Variants in IGF2BP1 observed in about 807,000 individuals in gnomAD.
IGF2BP1 encodes the protein insulin-like growth factor 2 mRNA-binding protein 1.
A neutral mutation model predicts 74.9 loss-of-function variants in IGF2BP1; 11 were observed. The observed-to-expected ratio is 0.15, with a 90% CI of 0.09 to 0.24. IGF2BP1 has a LOEUF of 0.24. Ranked by LOEUF, IGF2BP1 falls within the 10% of genes least tolerant of loss-of-function variation. The probability of loss-of-function intolerance (pLI) is 1.00; values close to 1 mark genes in which losing one functional copy is unlikely to be tolerated. For synonymous variants in IGF2BP1, 287 were observed against 281.8 expected, an observed-to-expected ratio of 1.02 and a Z score of -0.18; for missense variants, 440 against 757.4, an observed-to-expected ratio of 0.58 and a Z score of 4.92.
At chr17:49,039,592 A>AT (rs2042027484) in intron 6 of IGF2BP1, among the ~76,000 whole-genome samples, 3 of 151,786 alleles carry the variant, frequency 2.0e-5, no homozygotes, top group Admixed American at 2.0e-4. Context: ...ACCCAGCTAA[A>AT]TTTTTTGTAT....
chr17:48,999,188 CGGGGGGGGTGGGGGGGCCG>C lies in IGF2BP1; in HGVS notation c.236+20_236+38del. On this transcript the variant is annotated intron_variant, in intron 2 of 14. Coordinates refer to ENST00000290341, the MANE Select transcript of IGF2BP1 (RefSeq NM_006546.4). The stretch of plus-strand genomic sequence containing the variant: ...AACAAAGGTAGGAAAGAGCTCTTTT[CGGGGGGGGTGGGGGGGCCG>C]CGGGGGTGTGCTGTGAAGCTGTGTT... 3.9e-6 allele frequency: 2 copies of C among 515,778 alleles called. No homozygotes were observed. The highest frequency in any genetic ancestry group is 6.0e-4 in the Middle Eastern group (1 of 1,668). 32.0% of individuals were successfully genotyped at this position (515,778 alleles called of 1,614,324 possible).
chr17:48,997,605 G>T lies in IGF2BP1; in HGVS notation c.-141G>T. On this transcript the variant is annotated 5_prime_UTR_variant, in exon 1 of 15. Transcript: ENST00000290341. This position sits in a 1 kb window ranked among gnomAD's most constrained non-coding sequence, Gnocchi z 4.8. Reference sequence around the variant, plus strand: ...AGGCCGCCTTCCCCGCCCTGGGCTCGGGACAACTTCTGGGGTGGGGTGCAA... The same window carrying T: ...AGGCCGCCTTCCCCGCCCTGGGCTCTGGACAACTTCTGGGGTGGGGTGCAA... 2 of 886,758 alleles carry T rather than the reference G, an allele frequency of 2.3e-6. No individual in the cohort carries two copies. Among genetic ancestry groups the T allele is most frequent in the East Asian group, 2.7e-5 (1 of 37,316 alleles). 54.9% of individuals were successfully genotyped at this position (886,758 alleles called of 1,614,324 possible). A position where few individuals can be genotyped will look rare whatever the true frequency, so the allele number is the denominator to read the frequency against.
intron 4 of IGF2BP1, among the ~76,000 whole-genome samples, chr17:49,028,394 C>T (rs767575188): frequency 3.9e-5 from 6 of 152,180 alleles, no homozygotes; most frequent in Non-Finnish European, 8.8e-5. Flanking sequence ...CAAGAGTAAA[C>T]TGCTGAATCT....
At chr17:49,041,289 C>T in intron 7 of IGF2BP1, 89 bp from the exon 8 acceptor site, 4 of 1,447,086 alleles carry the variant, frequency 2.8e-6, no homozygotes, top group African/African-American at 1.4e-5. Context: ...TTGGAAATGC[C>T]AAGTCTGGGG....
At chr17:49,034,202 C>T (rs970874257) in intron 5 of IGF2BP1, among the ~76,000 whole-genome samples, 6 of 150,780 alleles carry the variant, frequency 4.0e-5, no homozygotes, top group East Asian at 2.0e-4. Flanking sequence ...TTCCACCTCC[C>T]GGGTTCAAGT....
intron 5 of IGF2BP1, among the ~76,000 whole-genome samples, chr17:49,034,077 GC>G (rs10714095): frequency 1 from 146,832 of 147,314 alleles, 73,179 homozygotes; most frequent in Middle Eastern, 1. Context: ...TCCTACCTCA[GC>G]CCCCCCAAAG....
Position 49,054,226 on chromosome 17 carries a change from T to G in IGF2BP1, c.*4782T>G, listed in dbSNP as rs2042200155. ...TTGGGGCACAGTCTGATGGCGCCTT[T>G]GCTGGCGCCTTAGTATGGTTGACTC... On this transcript the variant is annotated 3_prime_UTR_variant, in exon 15 of 15. Coordinates refer to ENST00000290341, the MANE Select transcript of IGF2BP1 (RefSeq NM_006546.4). 1 of 152,538 alleles carries G rather than the reference T, an allele frequency of 6.6e-6. No individual in the cohort carries two copies. The highest frequency in any genetic ancestry group is 1.9e-4 in the East Asian group (1 of 5,196). The allele number at this position is 152,538 out of a possible 1,614,324, so 9.4% of individuals were successfully genotyped here. A position where few individuals can be genotyped will look rare whatever the true frequency, so the allele number is the denominator to read the frequency against.
rs117838533 is a variant in IGF2BP1, at chr17:48,999,101, A to C, written c.176-8A>C. Reference sequence around the variant, plus strand: ...CTCTCATGGTAATTTTTTTTTTTTAATCTTTAGGGAAAGTAGAATTACAAG... The same window carrying C: ...CTCTCATGGTAATTTTTTTTTTTTACTCTTTAGGGAAAGTAGAATTACAAG... On this transcript the variant is annotated splice_region_variant and splice_polypyrimidine_tract_variant and intron_variant, in intron 1 of 14. Coordinates refer to ENST00000290341, the MANE Select transcript of IGF2BP1 (RefSeq NM_006546.4). 0.051 allele frequency: 75,155 copies of C among 1,488,184 alleles called. 2,055 individuals carry two copies. The highest frequency in any genetic ancestry group is 0.09 in the Middle Eastern group (510 of 5,680). The allele number at this position is 1,488,184 out of a possible 1,614,324, so 92.2% of individuals were successfully genotyped here.
At chr17:49,016,449 T>C (rs895128315) in intron 2 of IGF2BP1, among the ~76,000 whole-genome samples, 1 of 152,166 alleles carries the variant, frequency 6.6e-6, no homozygotes, top group African/African-American at 2.4e-5. Context: ...TCATATAAGC[T>C]GAGTGATTCC....
At position 48,997,717 on chromosome 17, in the gene IGF2BP1, GGACCGCGTCCTGCCCCGA is replaced by G; in HGVS notation, c.-22_-5del. The G allele has an allele frequency of 2.5e-6, 4 of 1,605,238 alleles. No homozygotes were observed. In the South Asian group the frequency reaches 3.3e-5, roughly 13 times the overall value. Reference sequence around the variant, plus strand: ...GCGCCCGCTCGTTCGGCCTTGCCCGGGACCGCGTCCTGCCCCGAGACCGCCACCATGAACAAGCTTTAC... The same window carrying G: ...GCGCCCGCTCGTTCGGCCTTGCCCGGGACCGCCACCATGAACAAGCTTTAC... On this transcript the variant is annotated 5_prime_UTR_variant, in exon 1 of 15. Coordinates refer to ENST00000290341, the MANE Select transcript of IGF2BP1 (RefSeq NM_006546.4). This position sits in a 1 kb window ranked among gnomAD's most constrained non-coding sequence, Gnocchi z 4.8.
At chr17:49,020,454 G>A (rs2041778530) in intron 2 of IGF2BP1, among the ~76,000 whole-genome samples, 1 of 152,130 alleles carries the variant, frequency 6.6e-6, no homozygotes, top group South Asian at 2.1e-4. Context: ...ACAGACCAGG[G>A]TACTGAGATA....
Position 49,051,023 on chromosome 17 carries a change from C to G in IGF2BP1, c.*1579C>G, listed in dbSNP as rs2144169978. 6.5e-6 allele frequency: 1 copy of G among 152,738 alleles called. No individual in the cohort carries two copies. Among genetic ancestry groups the G allele is most frequent in the African/African-American group, 2.4e-5 (1 of 41,562 alleles). 9.5% of individuals were successfully genotyped at this position (152,738 alleles called of 1,614,324 possible). On this transcript the variant is annotated 3_prime_UTR_variant, in exon 15 of 15. Transcript: ENST00000290341. ...TTCAACATTGCAACAACAGTAACAA[C>G]AAGACAACCGCAACATGTGGGCGTA...
chr17:49,041,801 A>G (rs1444439685), intron 8 of IGF2BP1, among the ~76,000 whole-genome samples: 1 of 152,120 alleles, frequency 6.6e-6, no homozygotes. Context: ...GGAGCCAGGG[A>G]TTCAGGGCTT....
chr17:49,037,283 A>C (rs1195426221), intron 5 of IGF2BP1: 1 of 460,878 alleles, frequency 2.2e-6, no homozygotes, highest in African/African-American at 2.1e-5. Context: ...GCTGGAAAGA[A>C]AATTCTCTAT....
chr17:49,041,558 A>C, intron 8 of IGF2BP1, 58 bp downstream of exon 8: 1 of 1,603,908 alleles, frequency 6.2e-7, no homozygotes, highest in Non-Finnish European at 8.5e-7. Context: ...GGCCAGGGTC[A>C]GTATTTCATC....
At chr17:49,048,398 G>A (rs1024345840) in intron 14 of IGF2BP1, among the ~76,000 whole-genome samples, 1 of 151,638 alleles carries the variant, frequency 6.6e-6, no homozygotes, top group East Asian at 1.9e-4. Context: ...GATTACAGGC[G>A]CACGTCACCA....
At chr17:48,999,000 T>C in intron 1 of IGF2BP1, 109 bp from the exon 2 acceptor site, 1 of 692,162 alleles carries the variant, frequency 1.4e-6, no homozygotes. Flanking sequence ...CCTAGGAAGA[T>C]CTCGAATCCC....
Position 49,053,201 on chromosome 17 carries a change from A to C in IGF2BP1, c.*3757A>C, listed in dbSNP as rs1269067955. 1 of 152,642 alleles carries C rather than the reference A, an allele frequency of 6.6e-6. No homozygotes were observed. The highest frequency in any genetic ancestry group is 6.5e-5 in the Admixed American group (1 of 15,278). 9.5% of individuals were successfully genotyped at this position (152,642 alleles called of 1,614,324 possible). A position where few individuals can be genotyped will look rare whatever the true frequency, so the allele number is the denominator to read the frequency against. On this transcript the variant is annotated 3_prime_UTR_variant, in exon 15 of 15. Coordinates refer to ENST00000290341, the MANE Select transcript of IGF2BP1 (RefSeq NM_006546.4). Reference sequence around the variant, plus strand: ...TCCTTGTTTATGCCTCACTATTGGCAGAAAAGACCCCATTTAAAACCCAGA... The same window carrying C: ...TCCTTGTTTATGCCTCACTATTGGCCGAAAAGACCCCATTTAAAACCCAGA...
intron 2 of IGF2BP1, among the ~76,000 whole-genome samples, chr17:49,019,942 A>ATATATATT (rs1281361783): frequency 1.8e-5 from 1 of 55,242 alleles, no homozygotes; most frequent in Non-Finnish European, 3.3e-5. Flanking sequence ...ATATATATAT[A>ATATATATT]TATATATTTA....
Sources: allele counts gnomAD v4.1 joint callset (sites outside exome capture counted in the v4.1 genomes callset), GRCh38; gene constraint gnomAD v4.1.1; non-coding constraint Gnocchi (gnomAD v3.1); transcripts MANE v1.5; gene names NCBI Gene and HGNC (gene_info 2026-07-23, HGNC 2026-07-21).